GREB1L: variants seen among roughly 807,000 people sequenced by gnomAD.
The protein encoded by GREB1L is GREB1 like retinoic acid receptor coactivator, also known as GREB1-like protein.
A neutral mutation model predicts 200.8 loss-of-function variants in GREB1L; 17 were observed. That is an observed-to-expected ratio of 0.08 (90% CI 0.06 to 0.13). The LOEUF (loss-of-function observed/expected upper bound fraction) is 0.13, where lower values mean the gene tolerates loss of function less well. GREB1L is among the 10% of genes least tolerant of loss of function. The pLI is 1.00. For synonymous variants in GREB1L, 789 were observed against 893.0 expected (o/e 0.88, Z 2.08); for missense variants, 1,657 against 2,367.7 (o/e 0.70, Z 6.23).
At chr18:21,253,213 T>G (rs1346710870) in intron 1 of GREB1L, among the ~76,000 whole-genome samples, 2 of 151,956 alleles carry the variant, frequency 1.3e-5, no homozygotes, top group African/African-American at 4.8e-5. Flanking sequence ...CTTATACTTG[T>G]AATTGCAGCT....
At chr18:21,323,279 C>A (rs1453197601) in intron 1 of GREB1L, among the ~76,000 whole-genome samples, 2 of 151,608 alleles carry the variant, frequency 1.3e-5, no homozygotes, top group African/African-American at 4.9e-5. Context: ...AGAGTGAGAC[C>A]CTGTCTCAAA....
At chr18:21,369,294 G>A (rs908263660) in intron 2 of GREB1L, among the ~76,000 whole-genome samples, 1 of 152,130 alleles carries the variant, frequency 6.6e-6, no homozygotes, top group Non-Finnish European at 1.5e-5. Context: ...GTTATTTAAT[G>A]TTTTCTGTTC....
intron 7 of GREB1L, among the ~76,000 whole-genome samples, chr18:21,432,927 G>C (rs922184866): frequency 2.1e-4 from 32 of 151,752 alleles, no homozygotes; most frequent in African/African-American, 7.5e-4. Context: ...GGCTGGTCTT[G>C]AACTCCTGAC....
chr18:21,308,806 C>T (rs1444651901), intron 1 of GREB1L, among the ~76,000 whole-genome samples: 1 of 152,192 alleles, frequency 6.6e-6, no homozygotes, highest in Non-Finnish European at 1.5e-5. Flanking sequence ...ACTCATTAGT[C>T]CTCAGTAAAT....
At chr18:21,271,521 A>C (rs182058938) in intron 1 of GREB1L, among the ~76,000 whole-genome samples, 48 of 151,828 alleles carry the variant, frequency 3.2e-4, no homozygotes, top group African/African-American at 1.1e-3. Flanking sequence ...GCTTGGTAGC[A>C]TGCACCTGTA....
At chr18:21,328,679 C>CATATGTGA (rs564721752) in intron 1 of GREB1L, among the ~76,000 whole-genome samples, 1,961 of 151,972 alleles carry the variant, frequency 0.013, 20 homozygotes, top group South Asian at 0.023. Context: ...TGTGTACGTG[C>CATATGTGA]ATATGTGAAT....
At chr18:21,402,582 G>C (rs536820327) in intron 6 of GREB1L, among the ~76,000 whole-genome samples, 6 of 149,682 alleles carry the variant, frequency 4.0e-5, no homozygotes, top group African/African-American at 1.5e-4. Context: ...GCCCAGGCTG[G>C]ACTGCAGTGG....
chr18:21,476,834 C>T (rs2035721851), intron 16 of GREB1L, among the ~76,000 whole-genome samples: 1 of 152,010 alleles, frequency 6.6e-6, no homozygotes, highest in Admixed American at 6.6e-5. Context: ...CTGCCTTGGC[C>T]TCCCAAAGTG....
chr18:21,451,274 T>C (rs2034506008), intron 13 of GREB1L, 123 bp downstream of exon 13: 4 of 1,087,222 alleles, frequency 3.7e-6, no homozygotes, highest in Admixed American at 2.5e-5. Context: ...TCATTTGAAA[T>C]GGTTTATCCT....
chr18:21,449,432 T>C (rs543335650), intron 11 of GREB1L, 78 bp from the exon 12 acceptor site: 2 of 836,960 alleles, frequency 2.4e-6, no homozygotes, highest in Non-Finnish European at 3.6e-6. Flanking sequence ...TGAGAAGGAC[T>C]GCAGGAAAGC....
chr18:21,366,467 G>A (rs1048017613), intron 2 of GREB1L, among the ~76,000 whole-genome samples: 37 of 151,988 alleles, frequency 2.4e-4, no homozygotes, highest in African/African-American at 8.7e-4. Context: ...TAGATTATAG[G>A]CTTCTGCATA....
At chr18:21,267,822 C>A (rs1299741353) in intron 1 of GREB1L, among the ~76,000 whole-genome samples, 1 of 147,810 alleles carries the variant, frequency 6.8e-6, no homozygotes, top group African/African-American at 2.5e-5. Flanking sequence ...TTTTTTTTGC[C>A]CAGGATGCCA....
At chr18:21,246,296 AAC>A (rs1409935482) in intron 1 of GREB1L, among the ~76,000 whole-genome samples, 2 of 152,220 alleles carry the variant, frequency 1.3e-5, no homozygotes, top group Non-Finnish European at 2.9e-5. Context: ...TAACACATGA[AAC>A]ACATAAATGT....
At chr18:21,465,069 A>G (rs757179960) in intron 15 of GREB1L, among the ~76,000 whole-genome samples, 7 of 152,228 alleles carry the variant, frequency 4.6e-5, no homozygotes, top group Non-Finnish European at 8.8e-5. Flanking sequence ...ACTAATGAAC[A>G]TATCCATTAC....
At chr18:21,430,692 G>A (rs1364406487) in intron 7 of GREB1L, among the ~76,000 whole-genome samples, 3 of 148,464 alleles carry the variant, frequency 2.0e-5, no homozygotes, top group African/African-American at 7.5e-5. Flanking sequence ...CGCCTCCCAG[G>A]TTCAAGCCAT....
intron 15 of GREB1L, among the ~76,000 whole-genome samples, chr18:21,463,438 C>G (rs2035140099): frequency 6.6e-6 from 1 of 152,090 alleles, no homozygotes; most frequent in South Asian, 2.1e-4. Context: ...AGCCACCGCA[C>G]CCGGCAGTAG....
Position 21,449,506 on chromosome 18 carries a change from A to G in GREB1L, c.1394-4A>G. 3 of 1,502,758 alleles carry G rather than the reference A, an allele frequency of 2.0e-6. No individual in the cohort carries two copies. Among genetic ancestry groups the G allele is most frequent in the Non-Finnish European group, 2.7e-6 (3 of 1,113,654 alleles). The allele number at this position is 1,502,758 out of a possible 1,614,324, so 93.1% of individuals were successfully genotyped here. The stretch of plus-strand genomic sequence containing the variant: ...AATTCCAGCTGTAATTCTCTTCTAT[A>G]TAGGTCCTGATCAGGTACCTCTCAG... On this transcript the variant is annotated splice_region_variant and splice_polypyrimidine_tract_variant and intron_variant, in intron 11 of 32. Transcript: ENST00000424526.
At chr18:21,326,218 C>A (rs1453813775) in intron 1 of GREB1L, among the ~76,000 whole-genome samples, 7 of 151,682 alleles carry the variant, frequency 4.6e-5, no homozygotes, top group Admixed American at 3.3e-4. Flanking sequence ...ATGATACCCA[C>A]GTTTTTGCGA....
intron 1 of GREB1L, among the ~76,000 whole-genome samples, chr18:21,317,105 A>C (rs2038882208): frequency 6.6e-6 from 1 of 151,788 alleles, no homozygotes; most frequent in Non-Finnish European, 1.5e-5. Flanking sequence ...TCTCCTATCC[A>C]AGCGGGTGCC....
Sources: gnomAD v4.1 joint callset for allele counts (sites outside exome capture counted in the v4.1 genomes callset) on GRCh38, gnomAD v4.1.1 for gene constraint, MANE v1.5 for transcripts, NCBI Gene and HGNC (gene_info 2026-07-23, HGNC 2026-07-21) for gene names.